SNUPN: variants seen among roughly 807,000 people sequenced by gnomAD.
SNUPN encodes the protein snurportin-1.
Under a neutral mutation model 39.2 loss-of-function variants are expected in SNUPN, and 31 were observed. The observed-to-expected ratio is 0.79, with a 90% CI of 0.59 to 1.07. SNUPN has a LOEUF of 1.07. Ranked by LOEUF, SNUPN falls within the 50% of genes least tolerant of loss-of-function variation. SNUPN has a pLI of 0.00. For synonymous variants in SNUPN, 132 were observed against 159.0 expected, an observed-to-expected ratio of 0.83 and a Z score of 1.28; for missense variants, 382 against 434.2, an observed-to-expected ratio of 0.88 and a Z score of 1.07.
At chr15:75,612,391 C>T (rs181092718) in intron 3 of SNUPN, among the ~76,000 whole-genome samples, 1 of 152,124 alleles carries the variant, frequency 6.6e-6, no homozygotes, top group Non-Finnish European at 1.5e-5. Context: ...ATGCTACCAG[C>T]CACATCTCCC....
chr15:75,601,687 A>C (rs1377149320), intron 7 of SNUPN, among the ~76,000 whole-genome samples: 1 of 152,144 alleles, frequency 6.6e-6, no homozygotes, highest in Non-Finnish European at 1.5e-5. Flanking sequence ...TCAAGGCTGC[A>C]GTAAGCTCAG....
At chr15:75,605,041 C>A in intron 7 of SNUPN, 109 bp downstream of exon 7, 2 of 719,846 alleles carry the variant, frequency 2.8e-6, no homozygotes, top group Non-Finnish European at 4.8e-6. Flanking sequence ...CCCTTTATAC[C>A]ATGCTGCCTC....
At chr15:75,612,778 C>A (rs1215985826) in intron 3 of SNUPN, among the ~76,000 whole-genome samples, 1 of 152,024 alleles carries the variant, frequency 6.6e-6, no homozygotes, top group African/African-American at 2.4e-5. Flanking sequence ...CGTCTCATAA[C>A]CTTGTTAATG....
At chr15:75,622,042 C>CAAA (rs1313023031) in intron 1 of SNUPN, among the ~76,000 whole-genome samples, 1 of 145,338 alleles carries the variant, frequency 6.9e-6, no homozygotes, top group East Asian at 2.0e-4. Flanking sequence ...TCTCAAAAAA[C>CAAA]AAACAAACAA....
chr15:75,623,612 T>A (rs1055853465), intron 1 of SNUPN, among the ~76,000 whole-genome samples: 6 of 151,920 alleles, frequency 3.9e-5, no homozygotes, highest in South Asian at 2.1e-4. Flanking sequence ...GCTCGGCTAA[T>A]TTTTGTATTT....
chr15:75,617,508 T>A lies in SNUPN; in HGVS notation c.203A>T (p.Asp68Val), dbSNP rs763032062. 1 of 1,614,110 alleles carries A rather than the reference T, an allele frequency of 6.2e-7. No individual in the cohort carries two copies. The highest frequency in any genetic ancestry group is 1.7e-5 in the Admixed American group (1 of 59,998). Residue 68 changes from aspartate (D) to valine (V), a missense_variant, in exon 3 of 9, where the codon GAT becomes GTT. Coordinates refer to ENST00000308588, the MANE Select transcript of SNUPN (RefSeq NM_005701.4). ...YVNHARRLAE[D>V]DWTGMESEEE... ...CTCACTCTCCATCCCTGTCCAGTCA[T>A]CTTCAGCCAGTCTTCTGGCATGGTT...
chr15:75,618,714 G>C (rs1892995959), intron 2 of SNUPN, among the ~76,000 whole-genome samples: 1 of 152,206 alleles, frequency 6.6e-6, no homozygotes, highest in Middle Eastern at 3.4e-3. Flanking sequence ...ACACACCAGA[G>C]AGAACATATG....
chr15:75,609,393 G>C (rs1229022247), intron 5 of SNUPN, among the ~76,000 whole-genome samples, 165 bp downstream of exon 5: 1 of 151,822 alleles, frequency 6.6e-6, no homozygotes, highest in Non-Finnish European at 1.5e-5. Flanking sequence ...GTTTCACCTT[G>C]TTAGCCAGGA....
chr15:75,614,764 T>A (rs1892882958), intron 3 of SNUPN, among the ~76,000 whole-genome samples: 1 of 152,236 alleles, frequency 6.6e-6, no homozygotes, highest in African/African-American at 2.4e-5. Context: ...TTGTATGGTA[T>A]GTGAATTATA....
At chr15:75,600,094 C>A (rs1176145813) in intron 8 of SNUPN, among the ~76,000 whole-genome samples, 1 of 151,928 alleles carries the variant, frequency 6.6e-6, no homozygotes, top group East Asian at 1.9e-4. Flanking sequence ...GATCCAACTG[C>A]CTCGACCTCC....
rs776897370 is a variant in SNUPN at position 75,598,419 on chromosome 15, G to A, written c.1022C>T (p.Thr341Ile). The change falls in exon 9 of 9, where the codon ACT becomes ATT. Residue 341 changes from threonine to isoleucine, a missense_variant. Coordinates refer to ENST00000308588, the MANE Select transcript of SNUPN (RefSeq NM_005701.4). ...NGHYELEHLSTPKLKGSSHSP... is the reference protein window; with the variant it reads ...NGHYELEHLSIPKLKGSSHSP... ...ATGGGAAGAACCCTTCAACTTGGGA[G>A]TAGACAGGTGCTCCAATTCATAGTG... 1 of 1,614,236 alleles carries A rather than the reference G, an allele frequency of 6.2e-7. No individual in the cohort carries two copies. Among genetic ancestry groups the A allele is most frequent in the Non-Finnish European group, 8.5e-7 (1 of 1,180,036 alleles).
At chr15:75,620,856 G>A in intron 2 of SNUPN, 38 bp downstream of exon 2, 1 of 1,593,264 alleles carries the variant, frequency 6.3e-7, no homozygotes, top group South Asian at 1.1e-5. Flanking sequence ...ATAGCTCCTA[G>A]CCCAGAGAAA....
At chr15:75,613,315 G>A (rs1892843162) in intron 3 of SNUPN, among the ~76,000 whole-genome samples, 1 of 134,572 alleles carries the variant, frequency 7.4e-6, no homozygotes, top group African/African-American at 2.8e-5. Flanking sequence ...TTTCTCCAAA[G>A]AAGATATACA....
chr15:75,598,214 G>T lies in SNUPN; in HGVS notation c.*144C>A. 1 of 648,058 alleles carries T rather than the reference G, an allele frequency of 1.5e-6. No individual in the cohort carries two copies. The highest frequency in any genetic ancestry group is 2.7e-5 in the East Asian group (1 of 36,540). The allele number at this position is 648,058 out of a possible 1,614,324, so 40.1% of individuals were successfully genotyped here. A position where few individuals can be genotyped will look rare whatever the true frequency, so the allele number is the denominator to read the frequency against. ...CATAACTGTTTGAGCCAGCATTTCA[G>T]ATTATAGATAAGCTGTTTCCAGCTG... is the stretch of plus-strand genomic sequence containing the variant. On this transcript the variant is annotated 3_prime_UTR_variant, in exon 9 of 9. Transcript: ENST00000308588.
chr15:75,620,619 T>C (rs1362481383), intron 2 of SNUPN, among the ~76,000 whole-genome samples: 3 of 152,118 alleles, frequency 2.0e-5, no homozygotes, highest in African/African-American at 7.2e-5. Context: ...CAGAGCTCAG[T>C]ACAGCTGCCA....
chr15:75,612,823 A>G (rs982105637), intron 3 of SNUPN, among the ~76,000 whole-genome samples: 11 of 152,134 alleles, frequency 7.2e-5, no homozygotes, highest in Non-Finnish European at 1.2e-4. Context: ...TTAGAGTTTA[A>G]GCATAATCTA....
At chr15:75,598,894 G>A (rs1009101013) in intron 8 of SNUPN, among the ~76,000 whole-genome samples, 12 of 152,138 alleles carry the variant, frequency 7.9e-5, no homozygotes, top group African/African-American at 2.7e-4. Context: ...TTGGCTGGGC[G>A]TGGTGGCTCA....
rs75771658 is a variant in SNUPN, at chr15:75,601,133, G to A, written c.759+5C>T. 354 of 1,608,278 alleles carry A rather than the reference G, an allele frequency of 2.2e-4. 5 individuals carry two copies. The East Asian group carries it at 7.0e-3, about 32-fold the overall frequency. On this transcript the variant is annotated splice_donor_5th_base_variant and intron_variant, in intron 8 of 8. Transcript: ENST00000308588. Reference sequence around the variant, plus strand: ...TCAAGGCAATAAAGACAATGGTTTCGTTACCTCAAAAGGGAAATCCATAGA... The same window carrying A: ...TCAAGGCAATAAAGACAATGGTTTCATTACCTCAAAAGGGAAATCCATAGA...
chr15:75,614,415 TC>T (rs768981375), intron 3 of SNUPN, among the ~76,000 whole-genome samples: 128 of 152,286 alleles, frequency 8.4e-4, no homozygotes, highest in South Asian at 2.5e-3. Context: ...ATGTAGTCTA[TC>T]CATACAGTGG....
Sources: allele counts gnomAD v4.1 joint callset (sites outside exome capture counted in the v4.1 genomes callset), GRCh38; gene constraint gnomAD v4.1.1; transcripts MANE v1.5; gene names NCBI Gene and HGNC (gene_info 2026-07-23, HGNC 2026-07-21).